SGCZ: variants seen among roughly 807,000 people sequenced by gnomAD.
The protein encoded by SGCZ is zeta-sarcoglycan.
Under a neutral mutation model 41.3 loss-of-function variants are expected in SGCZ, and 40 were observed. The ratio of observed to expected loss-of-function variants is 0.97; its 90% CI spans 0.75 to 1.26. SGCZ has a LOEUF of 1.26. Ranked by LOEUF, SGCZ falls within the 50% of genes most tolerant of loss-of-function variation. SGCZ has a pLI of 0.00. For synonymous variants in SGCZ, 206 were observed against 137.5 expected (o/e 1.50, Z -3.49); for missense variants, 552 against 369.8 (o/e 1.49, Z -4.04).
At chr8:14,551,668 T>A (rs539509137) in intron 2 of SGCZ, among the ~76,000 whole-genome samples, 1 of 71,020 alleles carries the variant, frequency 1.4e-5, no homozygotes, top group African/African-American at 5.7e-5. Flanking sequence ...AAAGTATGTA[T>A]GTATGTATCT....
chr8:14,496,158 T>A (rs1200984094), intron 2 of SGCZ, among the ~76,000 whole-genome samples: 2 of 152,120 alleles, frequency 1.3e-5, no homozygotes, highest in Non-Finnish European at 1.5e-5. Flanking sequence ...CTCAAACTCT[T>A]GGCCTCAGGC....
intron 1 of SGCZ, among the ~76,000 whole-genome samples, chr8:15,046,596 C>G (rs1234528057): frequency 6.6e-6 from 1 of 151,874 alleles, no homozygotes; most frequent in East Asian, 1.9e-4. Flanking sequence ...TATCTTGTTT[C>G]CCTGATGCCC....
At chr8:15,006,606 G>C (rs1388641876) in intron 1 of SGCZ, among the ~76,000 whole-genome samples, 1 of 152,208 alleles carries the variant, frequency 6.6e-6, no homozygotes, top group Non-Finnish European at 1.5e-5. Context: ...AAAATGTTAA[G>C]AGTTAATAAA....
chr8:14,385,606 G>C (rs1212464681), intron 2 of SGCZ, among the ~76,000 whole-genome samples: 1 of 152,102 alleles, frequency 6.6e-6, no homozygotes, highest in Non-Finnish European at 1.5e-5. Flanking sequence ...GACTTTGAGT[G>C]TAGAGATAAT....
intron 4 of SGCZ, among the ~76,000 whole-genome samples, chr8:14,211,619 G>A (rs2117096609): frequency 6.6e-6 from 1 of 152,082 alleles, no homozygotes; most frequent in African/African-American, 2.4e-5. Context: ...GAGCTGAAGG[G>A]CAGGGAAGCA....
At chr8:15,120,022 C>T (rs1807420662) in intron 1 of SGCZ, among the ~76,000 whole-genome samples, 1 of 151,990 alleles carries the variant, frequency 6.6e-6, no homozygotes, top group Non-Finnish European at 1.5e-5. Flanking sequence ...TAGAGTCTTG[C>T]TATGTTTTCC....
intron 1 of SGCZ, among the ~76,000 whole-genome samples, chr8:14,716,121 C>G (rs1369634869): frequency 6.6e-6 from 1 of 151,880 alleles, no homozygotes; most frequent in African/African-American, 2.4e-5. Context: ...AATTAATTAC[C>G]TTCTTACCTT....
intron 2 of SGCZ, among the ~76,000 whole-genome samples, chr8:14,334,987 C>T (rs959284287): frequency 6.6e-6 from 1 of 152,062 alleles, no homozygotes; most frequent in African/African-American, 2.4e-5. Context: ...TACAGATATC[C>T]TTCTGAGCTG....
intron 2 of SGCZ, among the ~76,000 whole-genome samples, chr8:14,353,609 C>G (rs1181471436): frequency 1.3e-5 from 2 of 152,066 alleles, no homozygotes; most frequent in East Asian, 3.9e-4. Context: ...CTTCCTTTCA[C>G]TATGCTGTTT....
At chr8:14,114,937 A>C (rs1802479190) in intron 5 of SGCZ, among the ~76,000 whole-genome samples, 1 of 151,982 alleles carries the variant, frequency 6.6e-6, no homozygotes, top group African/African-American at 2.4e-5. Flanking sequence ...AAGAAAACAG[A>C]ATTAAAAAGA....
At chr8:14,326,705 AATAC>A (rs1802130928) in intron 2 of SGCZ, among the ~76,000 whole-genome samples, 1 of 152,190 alleles carries the variant, frequency 6.6e-6, no homozygotes, top group African/African-American at 2.4e-5. Context: ...CAGATGAGAA[AATAC>A]ATACATTTCT....
intron 1 of SGCZ, among the ~76,000 whole-genome samples, chr8:15,222,330 T>A (rs1801630715): frequency 6.6e-6 from 1 of 152,064 alleles, no homozygotes; most frequent in Admixed American, 6.6e-5. Flanking sequence ...CAGTTATGGC[T>A]AAGTAGCCCA....
At chr8:14,913,831 G>A (rs1406031963) in intron 1 of SGCZ, among the ~76,000 whole-genome samples, 3 of 150,570 alleles carry the variant, frequency 2.0e-5, no homozygotes, top group African/African-American at 7.3e-5. Flanking sequence ...TTAGTCATAG[G>A]TTTTCCAAGT....
At chr8:14,401,720 C>G (rs1462259244) in intron 2 of SGCZ, among the ~76,000 whole-genome samples, 1 of 151,664 alleles carries the variant, frequency 6.6e-6, no homozygotes, top group African/African-American at 2.4e-5. Context: ...CAAGTCTTTG[C>G]TAATGTGAAT....
chr8:14,299,904 C>G lies in SGCZ; in HGVS notation c.336+24199G>C, dbSNP rs527248349. Among the ~76,000 whole-genome samples the G allele has an allele frequency of 4.3e-4, 66 of 152,012 alleles. 2 individuals are homozygous for G. The highest frequency in any genetic ancestry group is 1.3e-3 in the African/African-American group (56 of 41,516). On this transcript the variant is annotated intron_variant, in intron 3 of 7. Transcript: ENST00000382080. ...TATATTCTTACAATAAAATACTACTCATCAGTAATAAGTACTGCATTGCTG... is the reference window on the plus strand; with the variant it reads ...TATATTCTTACAATAAAATACTACTGATCAGTAATAAGTACTGCATTGCTG...
intron 5 of SGCZ, among the ~76,000 whole-genome samples, chr8:14,111,228 A>G (rs1012033634): frequency 1.3e-5 from 2 of 152,184 alleles, no homozygotes; most frequent in Non-Finnish European, 2.9e-5. Context: ...TAGTATAAGT[A>G]TAGGATATTT....
chr8:14,588,082 G>A (rs1214714463), intron 1 of SGCZ, among the ~76,000 whole-genome samples: 1 of 151,772 alleles, frequency 6.6e-6, no homozygotes, highest in Non-Finnish European at 1.5e-5. Flanking sequence ...AAACATTTTT[G>A]CTAGAGATCA....
At chr8:14,282,338 C>A (rs1585316341) in intron 3 of SGCZ, among the ~76,000 whole-genome samples, 1 of 74,150 alleles carries the variant, frequency 1.3e-5, no homozygotes, top group East Asian at 4.2e-4. Flanking sequence ...TGTCTGTCTG[C>A]CAAAAATCCC....
At chr8:14,448,386 C>T (rs540568653) in intron 2 of SGCZ, among the ~76,000 whole-genome samples, 112 of 152,310 alleles carry the variant, frequency 7.4e-4, no homozygotes, top group African/African-American at 2.5e-3. Flanking sequence ...TAAACTGTTA[C>T]AGTGGGCCTC....
Sources: allele counts gnomAD v4.1 joint callset (sites outside exome capture counted in the v4.1 genomes callset), GRCh38; gene constraint gnomAD v4.1.1; transcripts MANE v1.5; gene names NCBI Gene and HGNC (gene_info 2026-07-23, HGNC 2026-07-21).